Variants in ACOT12 observed in about 807,000 individuals in gnomAD.
ACOT12 encodes the protein acyl-CoA thioesterase 12, also known as acetyl-coenzyme A thioesterase.
Under a neutral mutation model 67.7 loss-of-function variants are expected in ACOT12, and 51 were observed. That is an observed-to-expected ratio of 0.75 (90% CI 0.60 to 0.95). The LOEUF (loss-of-function observed/expected upper bound fraction) is 0.95. Among genes scored for constraint, ACOT12 ranks in the 40% least tolerant of loss-of-function variants. ACOT12 has a pLI of 0.00. For missense variants in ACOT12, 734 were observed against 708.1 expected (o/e 1.04, Z -0.41); for synonymous variants, 251 against 244.6 (o/e 1.03, Z -0.24).
intron 4 of ACOT12, among the ~76,000 whole-genome samples, 175 bp from the exon 5 acceptor site, chr5:81,360,213 C>T (rs1759862298): frequency 6.6e-6 from 1 of 151,942 alleles, no homozygotes; most frequent in Non-Finnish European, 1.5e-5. Context: ...TATTTTTAAA[C>T]TAAAAAAATC....
Position 81,359,870 on chromosome 5 carries a change from A to G in ACOT12, c.496+33T>C, listed in dbSNP as rs376246845. The G allele has an allele frequency of 5.7e-6, 9 of 1,586,168 alleles. 1 individual carries two copies. The Middle Eastern group carries it at 1.0e-3, about 177-fold the overall frequency. On this transcript the variant is annotated intron_variant, in intron 5 of 14. Coordinates refer to ENST00000307624, the MANE Select transcript of ACOT12 (RefSeq NM_130767.3). ...AGACTCCTTTGCCTGTCACAGTTAT[A>G]GAATTAAAATTCTTATAAGTGGATT...
intron 12 of ACOT12, 40 bp downstream of exon 12, chr5:81,335,728 G>C: frequency 6.3e-7 from 1 of 1,594,936 alleles, no homozygotes; most frequent in African/African-American, 1.4e-5. Context: ...TTTACATTAT[G>C]TCAAGGTTGA....
intron 2 of ACOT12, among the ~76,000 whole-genome samples, chr5:81,373,963 C>T (rs1760333565): frequency 6.6e-6 from 1 of 152,190 alleles, no homozygotes; most frequent in Non-Finnish European, 1.5e-5. Flanking sequence ...CAGCAGATCT[C>T]CCAGCACAGC....
intron 11 of ACOT12, 106 bp downstream of exon 11, chr5:81,342,565 AT>A (rs754863773): frequency 1.8e-6 from 2 of 1,129,090 alleles, no homozygotes; most frequent in Non-Finnish European, 2.6e-6. Flanking sequence ...TCCTCAAAAG[AT>A]TTTGTTACCT....
intron 4 of ACOT12, among the ~76,000 whole-genome samples, chr5:81,362,163 CTTTTTTTTT>C (rs529301882): frequency 7.6e-6 from 1 of 131,638 alleles, no homozygotes; most frequent in Non-Finnish European, 1.6e-5. Context: ...CTATTATATT[CTTTTTTTTT>C]TTTTTTTTTT....
intron 10 of ACOT12, among the ~76,000 whole-genome samples, chr5:81,343,185 T>C (rs1759257810): frequency 6.8e-6 from 1 of 146,604 alleles, no homozygotes; most frequent in Non-Finnish European, 1.5e-5. Context: ...AGACTCTGTC[T>C]CAAAAAAATA....
chr5:81,376,406 A>G (rs1760413378), intron 2 of ACOT12, among the ~76,000 whole-genome samples: 1 of 151,662 alleles, frequency 6.6e-6, no homozygotes. Flanking sequence ...CAAAATCAAC[A>G]CCCTAACATC....
the ACOT12 span, among the ~76,000 whole-genome samples, chr5:81,321,316 G>A: frequency 6.6e-6 from 1 of 152,280 alleles, no homozygotes; most frequent in South Asian, 2.1e-4. Context: ...GTCCTCATAT[G>A]GTAGAAAGGA....
intron 13 of ACOT12, among the ~76,000 whole-genome samples, chr5:81,331,567 A>G (rs1030608259): frequency 4.6e-5 from 7 of 152,216 alleles, no homozygotes; most frequent in Admixed American, 6.5e-5. Context: ...TGTTGTTAAA[A>G]GAAAAACTCT....
chr5:81,356,633 C>T (rs1759723627), intron 5 of ACOT12, among the ~76,000 whole-genome samples: 1 of 152,104 alleles, frequency 6.6e-6, no homozygotes. Flanking sequence ...TTGCCGTTCC[C>T]TGCCCCTCAG....
chr5:81,330,581 T>A, intron 14 of ACOT12, 38 bp from the exon 15 acceptor site: 1 of 1,605,562 alleles, frequency 6.2e-7, no homozygotes, highest in Non-Finnish European at 8.5e-7. Context: ...TAATTTCTTA[T>A]TGACTTGGAG....
chr5:81,349,540 C>G (rs1035159504), intron 5 of ACOT12, among the ~76,000 whole-genome samples: 1 of 152,128 alleles, frequency 6.6e-6, no homozygotes, highest in South Asian at 2.1e-4. Flanking sequence ...CTGTGGCCCC[C>G]CCTTGGTCAT....
chr5:81,332,647 T>A (rs1326006511), intron 12 of ACOT12, 42 bp from the exon 13 acceptor site: 1 of 1,609,762 alleles, frequency 6.2e-7, no homozygotes, highest in South Asian at 1.1e-5. Context: ...ACTTTCTACC[T>A]GCTCAGGCAT....
At chr5:81,309,489 C>G in the ACOT12 span, among the ~76,000 whole-genome samples, 1 of 152,120 alleles carries the variant, frequency 6.6e-6, no homozygotes, top group Non-Finnish European at 1.5e-5. Context: ...GGTATGGGAT[C>G]ATGTAGCTTT....
In ACOT12 at chr5:81,347,710, C is replaced by T; in HGVS notation, c.653+64G>A. 3 of 1,554,264 alleles carry T rather than the reference C, an allele frequency of 1.9e-6. No homozygotes were observed. In the East Asian group the frequency reaches 6.8e-5, roughly 35 times the overall value. ...CTTGACTATCCCAAGAACTGGATCTCAGTCCCTTTCTACTTTCTCCTCACT... is the reference window on the plus strand; with the variant it reads ...CTTGACTATCCCAAGAACTGGATCTTAGTCCCTTTCTACTTTCTCCTCACT... On this transcript the variant is annotated intron_variant, in intron 6 of 14. Transcript: ENST00000307624.
At chr5:81,345,670 C>A (rs944529648) in intron 7 of ACOT12, among the ~76,000 whole-genome samples, 2 of 151,720 alleles carry the variant, frequency 1.3e-5, no homozygotes, top group African/African-American at 4.8e-5. Context: ...ATACGGCTAC[C>A]CTTATAAGAC....
At chr5:81,343,197 CA>C (rs977828816) in intron 10 of ACOT12, among the ~76,000 whole-genome samples, 1 of 140,568 alleles carries the variant, frequency 7.1e-6, no homozygotes, top group African/African-American at 2.6e-5. Flanking sequence ...AAAAAAATAC[CA>C]AAAAAAAACC....
chr5:81,379,936 G>T (rs999882357), intron 2 of ACOT12, among the ~76,000 whole-genome samples: 7 of 152,088 alleles, frequency 4.6e-5, no homozygotes, highest in African/African-American at 1.4e-4. Flanking sequence ...GAACCAGTTG[G>T]GTTTACCTAG....
chr5:81,347,862 C>T lies in ACOT12; in HGVS notation c.565G>A (p.Val189Ile). The change falls in exon 6 of 15, where the codon GTC (valine) becomes ATC (isoleucine). Residue 189 changes from valine to isoleucine, a missense_variant. By Grantham distance (29) the Val-to-Ile change is conservative (BLOSUM62 3). Transcript: ENST00000307624. ...TGATGGTTTGCATGGGGTGGGAGGA[C>T]CAGTTCAATGCTCTGAACGGAGGTG... ...RGTSVQSIEL[V>I]LPPHANHHGN... 6.2e-7 allele frequency: 1 copy of T among 1,614,194 alleles called. No individual in the cohort carries two copies. The highest frequency in any genetic ancestry group is 1.1e-5 in the South Asian group (1 of 91,078).
Sources: gnomAD v4.1 joint callset for allele counts (sites outside exome capture counted in the v4.1 genomes callset) on GRCh38, gnomAD v4.1.1 for gene constraint, MANE v1.5 for transcripts, NCBI Gene and HGNC (gene_info 2026-07-23, HGNC 2026-07-21) for gene names.